The following CNTN5 variants were observed in gnomAD, a reference collection of about 807,000 sequenced individuals.
CNTN5 encodes the protein contactin-5.
In CNTN5, 77 loss-of-function variants were observed where a neutral mutation model predicts 129.1. The observed-to-expected ratio is 0.60, with a 90% confidence interval of 0.50 to 0.72. CNTN5 has a LOEUF of 0.72. Ranked by LOEUF, CNTN5 falls within the 30% of genes least tolerant of loss-of-function variation. The probability of loss-of-function intolerance (pLI) is 0.00; values close to 1 mark genes in which losing one functional copy is unlikely to be tolerated. For synonymous variants in CNTN5, 509 were observed against 465.6 expected (o/e 1.09, Z -1.20); for missense variants, 1,478 against 1,328.8 (o/e 1.11, Z -1.75).
At chr11:100,015,735 A>AT (rs1416108857) in intron 9 of CNTN5, among the ~76,000 whole-genome samples, 2 of 152,130 alleles carry the variant, frequency 1.3e-5, no homozygotes, top group Non-Finnish European at 2.9e-5. Flanking sequence ...ACATGATAAA[A>AT]TTTTTTAGTA....
intron 2 of CNTN5, among the ~76,000 whole-genome samples, chr11:99,506,430 G>C (rs573754719): frequency 6.6e-6 from 1 of 152,026 alleles, no homozygotes; most frequent in African/African-American, 2.4e-5. Context: ...TTAAACGAAG[G>C]CAGGTTCACA....
At chr11:99,965,919 G>A (rs576570942) in intron 8 of CNTN5, among the ~76,000 whole-genome samples, 1 of 152,132 alleles carries the variant, frequency 6.6e-6, no homozygotes, top group Admixed American at 6.6e-5. Flanking sequence ...GTTTTCCTAA[G>A]TAGATGGCAC....
intron 4 of CNTN5, among the ~76,000 whole-genome samples, chr11:99,836,100 G>A (rs544499058): frequency 6.6e-6 from 1 of 151,076 alleles, no homozygotes; most frequent in African/African-American, 2.4e-5. Context: ...CTAAACAAGG[G>A]GTGGTTTGTT....
intron 1 of CNTN5, among the ~76,000 whole-genome samples, chr11:99,219,002 CCT>C (rs1860267391): frequency 1.3e-5 from 2 of 151,878 alleles, no homozygotes; most frequent in Non-Finnish European, 2.9e-5. Context: ...CTGGTAAGCC[CCT>C]GGACTGCTTT....
At chr11:100,239,803 G>T (rs1949698711) in intron 16 of CNTN5, among the ~76,000 whole-genome samples, 1 of 152,066 alleles carries the variant, frequency 6.6e-6, no homozygotes, top group African/African-American at 2.4e-5. Context: ...GTTACATAGG[G>T]TAATTATACT....
At chr11:99,905,678 A>C (rs929798583) in intron 6 of CNTN5, among the ~76,000 whole-genome samples, 14 of 152,186 alleles carry the variant, frequency 9.2e-5, no homozygotes, top group African/African-American at 3.4e-4. Context: ...TGTGTGAAGA[A>C]AGTTAATGGT....
intron 1 of CNTN5, among the ~76,000 whole-genome samples, chr11:99,294,181 A>T (rs1412901995): frequency 6.6e-6 from 1 of 152,166 alleles, no homozygotes; most frequent in Non-Finnish European, 1.5e-5. Flanking sequence ...GTACAGGAGC[A>T]TGTTGTTTAA....
intron 3 of CNTN5, among the ~76,000 whole-genome samples, chr11:99,738,776 C>G (rs958885621): frequency 6.6e-6 from 1 of 152,008 alleles, no homozygotes; most frequent in Admixed American, 6.6e-5. Flanking sequence ...AACTCGTACT[C>G]TATCCCATAG....
chr11:100,107,825 C>A (rs1442948540), intron 13 of CNTN5, among the ~76,000 whole-genome samples: 2 of 151,870 alleles, frequency 1.3e-5, no homozygotes, highest in African/African-American at 4.8e-5. Flanking sequence ...TATACACATA[C>A]ATTTTAACAT....
intron 8 of CNTN5, among the ~76,000 whole-genome samples, chr11:99,997,969 A>C (rs1458505447): frequency 2.0e-5 from 3 of 152,208 alleles, no homozygotes; most frequent in Admixed American, 2.0e-4. Context: ...TCATGCTAAA[A>C]ACTCTCAATA....
At chr11:99,708,225 T>A (rs1954833764) in intron 3 of CNTN5, among the ~76,000 whole-genome samples, 1 of 151,688 alleles carries the variant, frequency 6.6e-6, no homozygotes, top group Admixed American at 6.6e-5. Context: ...GAAAAATAAA[T>A]CCTGCTGCAG....
intron 3 of CNTN5, among the ~76,000 whole-genome samples, chr11:99,729,048 G>A (rs1943442815): frequency 6.6e-6 from 1 of 152,076 alleles, no homozygotes; most frequent in Non-Finnish European, 1.5e-5. Flanking sequence ...GCTAAGTAAG[G>A]GAGGTTCAAC....
At chr11:99,628,931 G>A (rs1257072668) in intron 3 of CNTN5, among the ~76,000 whole-genome samples, 1 of 151,946 alleles carries the variant, frequency 6.6e-6, no homozygotes, top group Non-Finnish European at 1.5e-5. Flanking sequence ...TGAGATAGTG[G>A]CACTTGCTTG....
At chr11:99,966,655 C>T (rs906049340) in intron 8 of CNTN5, among the ~76,000 whole-genome samples, 8 of 152,208 alleles carry the variant, frequency 5.3e-5, no homozygotes, top group Admixed American at 3.3e-4. Flanking sequence ...AGGAGTAAAA[C>T]ATCTGGTCAA....
intron 17 of CNTN5, among the ~76,000 whole-genome samples, chr11:100,267,082 A>T (rs1950318675): frequency 6.6e-6 from 1 of 152,104 alleles, no homozygotes; most frequent in Non-Finnish European, 1.5e-5. Flanking sequence ...AATTAAATGG[A>T]GTAAGAGGAA....
intron 6 of CNTN5, among the ~76,000 whole-genome samples, chr11:99,879,169 A>G (rs1280954321): frequency 1.3e-5 from 2 of 151,846 alleles, no homozygotes; most frequent in Non-Finnish European, 2.9e-5. Flanking sequence ...AACTCTTGAC[A>G]TCAGGTGATC....
chr11:100,049,555 A>G (rs1463440229), intron 9 of CNTN5, among the ~76,000 whole-genome samples: 6 of 152,154 alleles, frequency 3.9e-5, no homozygotes, highest in African/African-American at 1.2e-4. Context: ...AACTAAACCA[A>G]AGAAAAACAT....
intron 17 of CNTN5, among the ~76,000 whole-genome samples, chr11:100,257,145 C>T (rs1950088854): frequency 6.6e-6 from 1 of 152,076 alleles, no homozygotes; most frequent in Non-Finnish European, 1.5e-5. Flanking sequence ...GTGGTTTACC[C>T]TTATAGTGTA....
At chr11:100,312,796 A>T (rs957099115) in intron 21 of CNTN5, among the ~76,000 whole-genome samples, 3 of 152,132 alleles carry the variant, frequency 2.0e-5, no homozygotes, top group Non-Finnish European at 4.4e-5. Context: ...AACCACTTTG[A>T]AACTAGAGAA....
Sources: gnomAD v4.1 joint callset for allele counts (sites outside exome capture counted in the v4.1 genomes callset) on GRCh38, gnomAD v4.1.1 for gene constraint, MANE v1.5 for transcripts, NCBI Gene and HGNC (gene_info 2026-07-23, HGNC 2026-07-21) for gene names.